DTNA: variants seen among roughly 807,000 people sequenced by gnomAD.
DTNA encodes dystrobrevin alpha, also known as dystrophin-related protein 3.
A neutral mutation model predicts 100.7 loss-of-function variants in DTNA; 43 were observed. That is an observed-to-expected ratio of 0.43 (90% CI 0.33 to 0.55). The LOEUF (loss-of-function observed/expected upper bound fraction) is 0.55. Ranked by LOEUF, DTNA falls within the 20% of genes least tolerant of loss-of-function variation. DTNA has a pLI of 0.04. For missense variants in DTNA, 798 were observed against 953.9 expected (o/e 0.84, Z 2.15); for synonymous variants, 349 against 347.9 (o/e 1.00, Z -0.04).
At chr18:34,673,909 G>C (rs552610875) in intron 1 of DTNA, among the ~76,000 whole-genome samples, 1 of 152,266 alleles carries the variant, frequency 6.6e-6, no homozygotes, top group African/African-American at 2.4e-5. Context: ...TTGCTGTCTT[G>C]TTAAATTTTA....
At chr18:34,756,984 G>T (rs760654213) in intron 2 of DTNA, among the ~76,000 whole-genome samples, 51 of 152,168 alleles carry the variant, frequency 3.4e-4, no homozygotes, top group Non-Finnish European at 6.0e-4. Flanking sequence ...TGACTGGCAA[G>T]AATGAGGGTC....
intron 1 of DTNA, among the ~76,000 whole-genome samples, chr18:34,692,351 A>G (rs1011628171): frequency 4.6e-5 from 7 of 152,214 alleles, no homozygotes; most frequent in Admixed American, 6.5e-5. Flanking sequence ...AATCTTCATA[A>G]TAACCCCACA....
intron 19 of DTNA, among the ~76,000 whole-genome samples, chr18:34,878,243 G>A (rs1164851703): frequency 6.6e-6 from 1 of 152,164 alleles, no homozygotes; most frequent in East Asian, 1.9e-4. Context: ...CTCCCAAAGT[G>A]TGTGAGCCAC....
At chr18:34,781,309 A>T (rs2094310296) in intron 3 of DTNA, among the ~76,000 whole-genome samples, 1 of 152,234 alleles carries the variant, frequency 6.6e-6, no homozygotes, top group African/African-American at 2.4e-5. Context: ...ATGTGATGTT[A>T]TGATAAGGTA....
chr18:34,582,249 A>G (rs979978308), intron 1 of DTNA, among the ~76,000 whole-genome samples: 1 of 152,058 alleles, frequency 6.6e-6, no homozygotes, highest in Non-Finnish European at 1.5e-5. Flanking sequence ...GCTACCCCCT[A>G]CATCACATCC....
chr18:34,574,144 A>G (rs1459919873), intron 1 of DTNA: 2 of 152,362 alleles, frequency 1.3e-5, no homozygotes, highest in African/African-American at 4.8e-5. Flanking sequence ...ATGGCCAGAC[A>G]TAGCCCCCTT....
chr18:34,850,019 G>C (rs960055534), intron 14 of DTNA, among the ~76,000 whole-genome samples: 3 of 151,730 alleles, frequency 2.0e-5, no homozygotes, highest in Non-Finnish European at 4.4e-5. Flanking sequence ...TGTGTTCCTT[G>C]CCTACTTACA....
intron 1 of DTNA, among the ~76,000 whole-genome samples, chr18:34,608,071 C>CA (rs2053499340): frequency 6.6e-6 from 1 of 152,192 alleles, no homozygotes; most frequent in Admixed American, 6.5e-5. Flanking sequence ...AAGGTCTCTC[C>CA]AATCCCTGAT....
chr18:34,569,910 AAAT>A (rs961626180), intron 1 of DTNA, among the ~76,000 whole-genome samples: 1 of 151,166 alleles, frequency 6.6e-6, no homozygotes, highest in Non-Finnish European at 1.5e-5. Flanking sequence ...CACACACACA[AAAT>A]AATAATAATA....
chr18:34,660,060 G>A (rs2074970618), intron 1 of DTNA, among the ~76,000 whole-genome samples: 1 of 152,166 alleles, frequency 6.6e-6, no homozygotes, highest in South Asian at 2.1e-4. Flanking sequence ...AGGGCAGAAG[G>A]CAAAGAAATG....
chr18:34,659,772 T>C (rs1201103655), intron 1 of DTNA, among the ~76,000 whole-genome samples: 1 of 152,188 alleles, frequency 6.6e-6, no homozygotes, highest in Admixed American at 6.6e-5. Context: ...CCTGTTATCT[T>C]GCGCATTAAC....
intron 1 of DTNA, among the ~76,000 whole-genome samples, chr18:34,537,530 G>A (rs1296593114): frequency 1.3e-5 from 2 of 150,526 alleles, no homozygotes; most frequent in Admixed American, 6.6e-5. Flanking sequence ...AAAAAAAAAA[G>A]CACATTTACA....
At chr18:34,707,389 AG>A (rs879343611), upstream of DTNA, among the ~76,000 whole-genome samples, 2 of 152,144 alleles carry the variant, frequency 1.3e-5, no homozygotes, top group Non-Finnish European at 2.9e-5. Flanking sequence ...TGTTCACATG[AG>A]GGGGAAGTTT....
intron 8 of DTNA, among the ~76,000 whole-genome samples, chr18:34,819,401 G>A (rs996075295): frequency 6.6e-6 from 1 of 152,156 alleles, no homozygotes; most frequent in Non-Finnish European, 1.5e-5. Flanking sequence ...CAATTCCAAT[G>A]CAACTCCTCA....
At chr18:34,884,690 G>A (rs751711374) in intron 21 of DTNA, 38 bp from the exon 22 acceptor site, 33 of 1,612,890 alleles carry the variant, frequency 2.0e-5, no homozygotes, top group Admixed American at 6.7e-5. Context: ...CAGACTTGAC[G>A]TGTCACCTTT....
chr18:34,615,305 G>A (rs531203900), intron 1 of DTNA, among the ~76,000 whole-genome samples: 7 of 152,156 alleles, frequency 4.6e-5, no homozygotes, highest in African/African-American at 7.2e-5. Context: ...TGAGGAATGC[G>A]CCCCCATGAC....
rs1243920291 is a variant in DTNA at position 34,888,420 on chromosome 18, T to C, written c.*686T>C. ...GTTGACTCCAAGTCTCTGTGAGCAG[T>C]GACTTGAACCAAACACACCAGGAAT... On this transcript the variant is annotated 3_prime_UTR_variant, in exon 23 of 23. Coordinates refer to ENST00000444659, the MANE Select transcript of DTNA (RefSeq NM_001386795.1). 5 of 985,706 alleles carry C rather than the reference T, an allele frequency of 5.1e-6. No homozygotes were observed. Among genetic ancestry groups the C allele is most frequent in the Non-Finnish European group, 4.8e-6 (4 of 829,936 alleles). 61.1% of individuals were successfully genotyped at this position (985,706 alleles called of 1,614,324 possible).
intron 19 of DTNA, 66 bp downstream of exon 19, chr18:34,877,874 C>G: frequency 7.5e-7 from 1 of 1,325,958 alleles, no homozygotes; most frequent in Admixed American, 1.7e-5. Flanking sequence ...CTAGGGGTCT[C>G]TCTTAGAGAT....
In DTNA at chr18:34,496,405, C is replaced by CATGTGATA. The variant is rs2039233260; in HGVS notation, c.-2+2891_-2+2892insATGTGATA. Among the ~76,000 whole-genome samples, 6 of 152,184 alleles carry CATGTGATA rather than the reference C, an allele frequency of 3.9e-5. No individual in the cohort carries two copies. In the South Asian group the frequency reaches 1.2e-3, roughly 31 times the overall value. On this transcript the variant is annotated intron_variant, in intron 1 of 19. Coordinates refer to the DTNA transcript ENST00000283365. ...GTTGATTGTTATCAAGACATAAATC[C>CATGTGATA]TGTGATACATACATATATCCTTTCT... is the stretch of plus-strand genomic sequence containing the variant.
Sources: gnomAD v4.1 joint callset for allele counts (sites outside exome capture counted in the v4.1 genomes callset) on GRCh38, gnomAD v4.1.1 for gene constraint, MANE v1.5 for transcripts, NCBI Gene and HGNC (gene_info 2026-07-23, HGNC 2026-07-21) for gene names.